HAAO: variants seen among roughly 807,000 people sequenced by gnomAD.
HAAO encodes the protein 3-hydroxyanthranilate 3,4-dioxygenase, also known as 3-hydroxyanthranilate oxygenase.
Under a neutral mutation model 46.2 loss-of-function variants are expected in HAAO, and 49 were observed. That is an observed-to-expected ratio of 1.06 (90% CI 0.84 to 1.34). HAAO has a LOEUF of 1.34. Ranked by LOEUF, HAAO falls within the 40% of genes most tolerant of loss-of-function variation. HAAO has a pLI of 0.00. For missense variants in HAAO, 408 were observed against 364.5 expected, an observed-to-expected ratio of 1.12 and a Z score of -0.97; for synonymous variants, 157 against 145.2, an observed-to-expected ratio of 1.08 and a Z score of -0.58.
In HAAO at chr2:42,781,216, G is replaced by A. The variant is rs376213727; in HGVS notation, c.350+2098C>T. 4.3e-4 allele frequency among the ~76,000 whole-genome samples: 65 copies of A among 152,326 alleles called. 1 individual carries two copies. The South Asian group carries it at 0.013, about 32-fold the overall frequency. ...TGGCAATACAGTTATATGCATAAGTGCAATAAGAATCTGTTTTCATTTTGC... is the reference window on the plus strand; with the variant it reads ...TGGCAATACAGTTATATGCATAAGTACAATAAGAATCTGTTTTCATTTTGC... On this transcript the variant is annotated intron_variant, in intron 4 of 9. Coordinates refer to ENST00000294973, the MANE Select transcript of HAAO (RefSeq NM_012205.3).
chr2:42,782,446 A>G (rs182365197), intron 4 of HAAO, among the ~76,000 whole-genome samples: 1 of 152,160 alleles, frequency 6.6e-6, no homozygotes, highest in Non-Finnish European at 1.5e-5. Flanking sequence ...ATAACTTGGG[A>G]TCTACCCGTC....
In HAAO at chr2:42,783,580, A is replaced by C. The variant is rs1276622127; in HGVS notation, c.244-160T>G. On this transcript the variant is annotated intron_variant, in intron 3 of 9. Coordinates refer to ENST00000294973, the MANE Select transcript of HAAO (RefSeq NM_012205.3). ...CTCTGCCCAGCCTCTACACCAGGGA[A>C]CCAGAGGGAATGTTGGACCGTGCTG... Among the ~76,000 whole-genome samples, 3 of 152,268 alleles carry C rather than the reference A, an allele frequency of 2.0e-5. No homozygotes were observed. In the East Asian group the frequency reaches 5.8e-4, roughly 29 times the overall value.
chr2:42,776,557 C>T (rs1359601178), intron 4 of HAAO, among the ~76,000 whole-genome samples: 1 of 151,196 alleles, frequency 6.6e-6, no homozygotes, highest in Non-Finnish European at 1.5e-5. Flanking sequence ...CTTTAATCTC[C>T]CTCTAGCACC....
rs968006993 is a variant in HAAO at position 42,785,856 on chromosome 2, C to T, written c.160-1989G>A. 1.4e-4 allele frequency among the ~76,000 whole-genome samples: 21 copies of T among 152,108 alleles called. No homozygotes were observed. The South Asian group carries it at 4.2e-3, about 30-fold the overall frequency. The stretch of plus-strand genomic sequence containing the variant: ...CAGCCTGGGTGACAGAGTGAGACCC[C>T]CATCTCTAAAAAACAAAAACAAACA... On this transcript the variant is annotated intron_variant, in intron 2 of 9. Transcript: ENST00000294973.
At position 42,786,026 on chromosome 2, in the gene HAAO, TG is replaced by T. The variant is rs1403893395; in HGVS notation, c.160-2160del. ...GGAAGCCTCTGTGTGTGTGTGTGTG[TG>T]TGTGTGTGTGTGTGTGTGTGTGTGT... On this transcript the variant is annotated intron_variant, in intron 2 of 9. Transcript: ENST00000294973. 5.1e-3 allele frequency among the ~76,000 whole-genome samples: 487 copies of T among 95,604 alleles called. 21 individuals are homozygous for T. The highest frequency in any genetic ancestry group is 1.6e-3 in the East Asian group (7 of 4,476). The allele number at this position is 95,604 out of a possible 152,430, so 62.7% of individuals were successfully genotyped here. A position where few individuals can be genotyped will look rare whatever the true frequency, so the allele number is the denominator to read the frequency against.
intron 4 of HAAO, among the ~76,000 whole-genome samples, chr2:42,773,418 T>C (rs1184719672): frequency 1.3e-5 from 2 of 151,916 alleles, no homozygotes; most frequent in African/African-American, 4.8e-5. Flanking sequence ...GCAGCAGTTC[T>C]GGCTGCACTG....
intron 4 of HAAO, among the ~76,000 whole-genome samples, chr2:42,772,333 T>C (rs1257715947): frequency 1.3e-5 from 2 of 151,914 alleles, no homozygotes; most frequent in African/African-American, 4.8e-5. Flanking sequence ...ATACAAAAAT[T>C]AGCCAGACAT....
At chr2:42,785,445 T>C (rs2104666438) in intron 2 of HAAO, among the ~76,000 whole-genome samples, 1 of 152,298 alleles carries the variant, frequency 6.6e-6, no homozygotes, top group East Asian at 1.9e-4. Context: ...TTTGTAGCAA[T>C]ACAAATATAA....
chr2:42,768,309 G>A (rs1040206201), intron 7 of HAAO, among the ~76,000 whole-genome samples: 2 of 152,190 alleles, frequency 1.3e-5, no homozygotes, highest in African/African-American at 4.8e-5. Context: ...TCAGGAGGAG[G>A]AGGGGACAAG....
Position 42,780,747 on chromosome 2 carries a change from G to C in HAAO, c.350+2567C>G, listed in dbSNP as rs1300319006. Among the ~76,000 whole-genome samples the C allele has an allele frequency of 4.6e-5, 7 of 151,350 alleles. No individual in the cohort carries two copies. In the East Asian group the frequency reaches 1.4e-3, roughly 29 times the overall value. ...TTTTCAGAGTCAAGGAAACTTTTTT[G>C]TGTGTGCTATTGACAGCTTTTAACA... On this transcript the variant is annotated intron_variant, in intron 4 of 9. Transcript: ENST00000294973.
At chr2:42,783,045 G>T (rs1417085603) in intron 4 of HAAO, 1 of 532,422 alleles carries the variant, frequency 1.9e-6, no homozygotes, top group Non-Finnish European at 3.4e-6. Context: ...ACCTCACGCA[G>T]AAAGCACAGA....
intron 2 of HAAO, among the ~76,000 whole-genome samples, chr2:42,785,492 G>A (rs11891403): frequency 0.46 from 69,947 of 152,000 alleles, 17,630 homozygotes; most frequent in East Asian, 0.71. Flanking sequence ...TCTGCGTGGT[G>A]GGATTATGAA....
chr2:42,776,789 G>A lies in HAAO; in HGVS notation c.351-6207C>T, dbSNP rs528931399. Reference sequence around the variant, plus strand: ...TGGGATTGCAGGCGCCTGCCACCACGCCCAGCTAATTTTTTTGTATTTTTA... The same window carrying A: ...TGGGATTGCAGGCGCCTGCCACCACACCCAGCTAATTTTTTTGTATTTTTA... On this transcript the variant is annotated intron_variant, in intron 4 of 9. Transcript: ENST00000294973. Among the ~76,000 whole-genome samples the A allele has an allele frequency of 2.2e-3, 333 of 151,050 alleles. 1 individual carries two copies. Among genetic ancestry groups the A allele is most frequent in the African/African-American group, 6.1e-3 (251 of 41,172 alleles).
chr2:42,791,179 C>G (rs142473827), intron 1 of HAAO, among the ~76,000 whole-genome samples: 124 of 152,208 alleles, frequency 8.1e-4, no homozygotes, highest in African/African-American at 2.5e-3. Context: ...GTCTGGTGTT[C>G]TTTTAAAAGA....
At chr2:42,770,087 A>G in intron 6 of HAAO, 56 bp downstream of exon 6, 2 of 1,517,928 alleles carry the variant, frequency 1.3e-6, no homozygotes, top group South Asian at 1.2e-5. Context: ...ACCAAAACCC[A>G]TCCTATTTTG....
rs3816182 is a variant in HAAO at position 42,788,564 on chromosome 2, T to C, written c.124A>G (p.Thr42Ala). The C allele has an allele frequency of 4.9e-5, 78 of 1,604,040 alleles. No individual in the cohort carries two copies. The Middle Eastern group carries it at 5.0e-4, about 10-fold the overall frequency. Reference protein sequence around the residue: ...LKVMFIGGPNTRKDYHIEEGE... With the variant: ...LKVMFIGGPNARKDYHIEEGE... ...TCTTCGATGTGATAGTCCTTCCTGG[T>C]GTTGGGGCCTCCGATGAACATGACT... The change falls in exon 2 of 10, where the codon ACC becomes GCC. Residue 42 changes from threonine to alanine, a missense_variant. Thr to Ala is a moderately conservative substitution (Grantham distance 58, BLOSUM62 0). Transcript: ENST00000294973.
intron 4 of HAAO, among the ~76,000 whole-genome samples, chr2:42,779,902 G>T (rs1403522243): frequency 6.6e-6 from 1 of 152,300 alleles, no homozygotes; most frequent in Non-Finnish European, 1.5e-5. Flanking sequence ...TATACAGGAA[G>T]CATTGCCAAA....
chr2:42,767,565 T>A (rs1222548839), intron 9 of HAAO, 30 bp downstream of exon 9: 1 of 1,586,824 alleles, frequency 6.3e-7, no homozygotes, highest in Non-Finnish European at 8.6e-7. Flanking sequence ...ACCCTGAGGA[T>A]CCCAGGGAAA....
rs149516535 is a variant in HAAO at position 42,783,833 on chromosome 2, C to T, written c.194G>A (p.Arg65Gln). The change falls in exon 3 of 10, where the codon CGA becomes CAA. Residue 65 changes from arginine (R) to glutamine (Q), a missense_variant. Physicochemically the swap from Arg to Gln is conservative, Grantham distance 43. Coordinates refer to ENST00000294973, the MANE Select transcript of HAAO (RefSeq NM_012205.3). ...CCGGTGTTTCCCTTGCTCCAGGACTCGGAGAACCATGTCTCCCTCCAGCTG... is the reference window on the plus strand; with the variant it reads ...CCGGTGTTTCCCTTGCTCCAGGACTTGGAGAACCATGTCTCCCTCCAGCTG... ...FYQLEGDMVL[R>Q]VLEQGKHRDV... 9.9e-6 allele frequency: 16 copies of T among 1,612,726 alleles called. No homozygotes were observed. The African/African-American group carries it at 1.3e-4, about 13-fold the overall frequency.
Sources: allele counts gnomAD v4.1 joint callset (sites outside exome capture counted in the v4.1 genomes callset), GRCh38; gene constraint gnomAD v4.1.1; transcripts MANE v1.5; gene names NCBI Gene and HGNC (gene_info 2026-07-23, HGNC 2026-07-21).